The following ADAMTS13 variants were observed in gnomAD, a reference collection of about 807,000 sequenced individuals.
ADAMTS13 encodes ADAM metallopeptidase with thrombospondin type 1 motif 13.
In ADAMTS13, 110 loss-of-function variants were observed where a neutral mutation model predicts 155.1. That is an observed-to-expected ratio of 0.71 (90% confidence interval 0.61 to 0.83). The LOEUF is 0.83. ADAMTS13 is among the 40% of genes least tolerant of loss of function. The pLI, the probability that ADAMTS13 is intolerant of heterozygous loss-of-function variation, is 0.00. For synonymous variants in ADAMTS13, 758 were observed against 756.4 expected, an observed-to-expected ratio of 1.00 and a Z score of -0.03; for missense variants, 1,707 against 1,891.7, an observed-to-expected ratio of 0.90 and a Z score of 1.81.
In ADAMTS13 at chr9:133,445,894, C is replaced by G. The variant is rs1842035395; in HGVS notation, c.2731+75C>G. The G allele has an allele frequency of 4.0e-6, 6 of 1,505,024 alleles. No homozygotes were observed. The highest frequency in any genetic ancestry group is 2.3e-5 in the Admixed American group (1 of 44,258). 93.2% of individuals were successfully genotyped at this position (1,505,024 alleles called of 1,614,324 possible). A position where few individuals can be genotyped will look rare whatever the true frequency, so the allele number is the denominator to read the frequency against. ...CTGTCCACTTGCATCTTGCCTCGTTCTGAAAAGCATTTGAGGTGGATTGCA... is the reference window on the plus strand; with the variant it reads ...CTGTCCACTTGCATCTTGCCTCGTTGTGAAAAGCATTTGAGGTGGATTGCA... On this transcript the variant is annotated intron_variant, in intron 21 of 28. Transcript: ENST00000355699. The surrounding 1 kb of genome is among the most constrained non-coding windows in gnomAD (Gnocchi z 5.0).
chr9:133,423,486 C>T (rs782369862), intron 2 of ADAMTS13, among the ~76,000 whole-genome samples: 13 of 152,140 alleles, frequency 8.5e-5, no homozygotes, highest in Non-Finnish European at 1.5e-4. Flanking sequence ...GGTTTCTGAC[C>T]GTGGATGTAA....
intron 11 of ADAMTS13, 29 bp downstream of exon 11, chr9:133,433,733 G>T (rs782739867): frequency 6.2e-7 from 1 of 1,609,684 alleles, no homozygotes; most frequent in South Asian, 1.1e-5. Context: ...GTAGGAGGGG[G>T]CAGCTGGTGG....
chr9:133,432,620 C>A lies in ADAMTS13; in HGVS notation c.1020C>A (p.Asp340Glu). The stretch of plus-strand genomic sequence containing the variant: ...GCCAGGCCCTCTCCTGCCACACAGA[C>A]CCGCTGGACCAAAGCAGCTGCAGCC... ...DMCQALSCHT[D>E]PLDQSSCSRL... The change falls in exon 9 of 29, where the codon GAC (aspartate) becomes GAA (glutamate). Residue 340 changes from aspartate to glutamate, a missense_variant. Physicochemically the swap from Asp to Glu is conservative, Grantham distance 45. This residue lies in a region of ADAMTS13 where 733 missense variants were observed against 749.6 expected (regional missense o/e 0.98). Transcript: ENST00000355699. 1 of 1,556,838 alleles carries A rather than the reference C, an allele frequency of 6.4e-7. No homozygotes were observed. The highest frequency in any genetic ancestry group is 8.7e-7 in the Non-Finnish European group (1 of 1,149,732).
Position 133,456,499 on chromosome 9 carries a change from C to G in ADAMTS13, c.3548-44C>G, listed in dbSNP as rs781803868. ...ACCCTGGAGCCACTCCTCTGCTGAC[C>G]AGGCGTGGGAGTGCTGGACCCTCAC... On this transcript the variant is annotated intron_variant, in intron 26 of 28. Transcript: ENST00000355699. The surrounding 1 kb of genome is among the most constrained non-coding windows in gnomAD (Gnocchi z 4.4). 2 of 1,603,976 alleles carry G rather than the reference C, an allele frequency of 1.2e-6. No individual in the cohort carries two copies. The highest frequency in any genetic ancestry group is 2.7e-5 in the African/African-American group (2 of 74,794).
At position 133,445,122 on chromosome 9, in the gene ADAMTS13, C is replaced by G; in HGVS notation, c.2610+70C>G. The G allele has an allele frequency of 6.6e-7, 1 of 1,512,088 alleles. No individual in the cohort carries two copies. The highest frequency in any genetic ancestry group is 1.2e-5 in the South Asian group (1 of 85,018). 93.7% of individuals were successfully genotyped at this position (1,512,088 alleles called of 1,614,324 possible). On this transcript the variant is annotated intron_variant, in intron 20 of 28. Transcript: ENST00000355699. The surrounding 1 kb of genome is among the most constrained non-coding windows in gnomAD (Gnocchi z 5.0). ...TACCTGGCTGGGAGAACGAGGAGCA[C>G]CCATTGCCACCGTCCTCCAGGCCAG...
rs145175796 is a variant in ADAMTS13, at chr9:133,425,950, A to G, written c.427A>G (p.Ile143Val). ...TGTGGGTCCGCAGGGTGCTCCAAATATCACAGCCAACCTCACCTCGTCCCT... is the reference window on the plus strand; with the variant it reads ...TGTGGGTCCGCAGGGTGCTCCAAATGTCACAGCCAACCTCACCTCGTCCCT... ...ILTEPEGAPNITANLTSSLLS... is the reference protein window; with the variant it reads ...ILTEPEGAPNVTANLTSSLLS... The change falls in exon 5 of 29, where the codon ATC becomes GTC. Residue 143 changes from isoleucine (I) to valine (V), a missense_variant. Ile to Val is a conservative substitution (Grantham distance 29). Transcript: ENST00000355699. This position sits in a 1 kb window ranked among gnomAD's most constrained non-coding sequence, Gnocchi z 4.6. The G allele has an allele frequency of 5.8e-5, 93 of 1,613,642 alleles. No homozygotes were observed. The African/African-American group carries it at 9.3e-4, about 16-fold the overall frequency.
chr9:133,423,199 G>T (rs1840070292), intron 2 of ADAMTS13, 32 bp downstream of exon 2: 2 of 1,601,410 alleles, frequency 1.2e-6, no homozygotes, highest in Admixed American at 1.7e-5. Flanking sequence ...CTCCCGGGGG[G>T]AGTTTCTCAG....
chr9:133,451,766 C>T (rs1554794399), intron 23 of ADAMTS13, among the ~76,000 whole-genome samples: 1 of 151,856 alleles, frequency 6.6e-6, no homozygotes, highest in African/African-American at 2.4e-5. Flanking sequence ...TGGTGCATGC[C>T]AGTATCCCCA....
rs182358533 is a variant in ADAMTS13 at position 133,422,888 on chromosome 9, C to T, written c.106-213C>T. On this transcript the variant is annotated intron_variant, in intron 1 of 28. Transcript: ENST00000355699. ...CTCACCCACCTCCTGCCTCCTGTCT[C>T]CCTCTTCATCCATCTCTTTTTGTTC... Among the ~76,000 whole-genome samples, 582 of 151,624 alleles carry T rather than the reference C, an allele frequency of 3.8e-3. 2 individuals are homozygous for T. The highest frequency in any genetic ancestry group is 8.0e-3 in the Admixed American group (122 of 15,218).
rs782512984 is a variant in ADAMTS13 at position 133,454,389 on chromosome 9, CTCTCTGGGGTCT to C, written c.3045-20_3045-9del. Reference sequence around the variant, plus strand: ...TACTGTCTCTGGGGAGACCTAGCCTCTCTCTGGGGTCTTCTCTTCCTGCAGGTGGAAAGTCAT... The same window carrying C: ...TACTGTCTCTGGGGAGACCTAGCCTCTCTCTTCCTGCAGGTGGAAAGTCAT... On this transcript the variant is annotated splice_polypyrimidine_tract_variant and intron_variant, in intron 23 of 28. Transcript: ENST00000355699. 6.2e-7 allele frequency: 1 copy of C among 1,613,188 alleles called. No homozygotes were observed. Among genetic ancestry groups the C allele is most frequent in the Non-Finnish European group, 8.5e-7 (1 of 1,179,732 alleles).
Position 133,437,739 on chromosome 9 carries a change from G to A in ADAMTS13, c.1436-10G>A, listed in dbSNP as rs781982967. 2 of 1,613,656 alleles carry A rather than the reference G, an allele frequency of 1.2e-6. No homozygotes were observed. Among genetic ancestry groups the A allele is most frequent in the Non-Finnish European group, 1.7e-6 (2 of 1,180,018 alleles). On this transcript the variant is annotated splice_polypyrimidine_tract_variant and intron_variant, in intron 12 of 28. Transcript: ENST00000355699. ...GGTTCAGGACACCCTTTTTCACTCTGCCCTCCCAGGGGATGCTCTGTGCAG... is the reference window on the plus strand; with the variant it reads ...GGTTCAGGACACCCTTTTTCACTCTACCCTCCCAGGGGATGCTCTGTGCAG...
chr9:133,425,466 G>A lies in ADAMTS13; in HGVS notation c.331-63G>A, dbSNP rs1840217703. On this transcript the variant is annotated intron_variant, in intron 3 of 28. Coordinates refer to ENST00000355699, the MANE Select transcript of ADAMTS13 (RefSeq NM_139027.6). The surrounding 1 kb of genome is among the most constrained non-coding windows in gnomAD (Gnocchi z 4.6). The stretch of plus-strand genomic sequence containing the variant: ...ACACTCCGGGGGCCCCTGGGAGTCA[G>A]CAGCTGCCTGGGGCTGGCAATGCCC... The A allele has an allele frequency of 2.0e-6, 3 of 1,494,424 alleles. No individual in the cohort carries two copies. Among genetic ancestry groups the A allele is most frequent in the African/African-American group, 2.8e-5 (2 of 72,290 alleles). The allele number at this position is 1,494,424 out of a possible 1,614,324, so 92.6% of individuals were successfully genotyped here.
chr9:133,436,633 C>T (rs987964093), intron 11 of ADAMTS13, among the ~76,000 whole-genome samples, 196 bp from the exon 12 acceptor site: 4 of 152,126 alleles, frequency 2.6e-5, no homozygotes, highest in Admixed American at 6.5e-5. Flanking sequence ...ACGGATTCCC[C>T]GGGGTTTTCC....
intron 8 of ADAMTS13, among the ~76,000 whole-genome samples, chr9:133,431,558 C>G (rs1554787480): frequency 6.6e-6 from 1 of 151,970 alleles, no homozygotes; most frequent in Admixed American, 6.6e-5. Context: ...GAATTCTGAC[C>G]TCAGGTGATC....
chr9:133,422,515 C>T lies in ADAMTS13; in HGVS notation c.72C>T (p.Leu24=), dbSNP rs782392800. The change falls in exon 1 of 29, where the codon CTC becomes CTT. Residue 24 remains leucine, a synonymous_variant. Coordinates refer to ENST00000355699, the MANE Select transcript of ADAMTS13 (RefSeq NM_139027.6). ...CCGGAATCCTTGCCTGTGGCTTTCT[C>T]CTGGGCTGCTGGGGACCCTCCCATT... is the stretch of plus-strand genomic sequence containing the variant. ...CVAGILACGF[L]LGCWGPSHFQ... 3.1e-6 allele frequency: 5 copies of T among 1,614,018 alleles called. No homozygotes were observed. Among genetic ancestry groups the T allele is most frequent in the Admixed American group, 1.7e-5 (1 of 60,000 alleles).
chr9:133,423,152 G>C lies in ADAMTS13; in HGVS notation c.157G>C (p.Gly53Arg). The C allele has an allele frequency of 1.2e-6, 2 of 1,613,758 alleles. No homozygotes were observed. The highest frequency in any genetic ancestry group is 1.7e-6 in the Non-Finnish European group (2 of 1,179,940). The change falls in exon 2 of 29, where the codon GGT (glycine) becomes CGT (arginine). Residue 53 changes from glycine (G) to arginine (R), a missense_variant. By Grantham distance (125) the Gly-to-Arg change is moderately radical. This residue lies in a region of ADAMTS13 where 733 missense variants were observed against 749.6 expected (regional missense o/e 0.98). Transcript: ENST00000355699. The part of the protein sequence containing the change: ...PQAVSSYLSP[G>R]APLKGRPPSP... ...GGCCGTGTCTTCTTACTTGAGCCCTGGTGCTCCCTTAAAAGGTACTTGTCC... is the reference window on the plus strand; with the variant it reads ...GGCCGTGTCTTCTTACTTGAGCCCTCGTGCTCCCTTAAAAGGTACTTGTCC...
At chr9:133,439,759 C>T (rs1317685477) in intron 15 of ADAMTS13, among the ~76,000 whole-genome samples, 4 of 152,220 alleles carry the variant, frequency 2.6e-5, no homozygotes, top group East Asian at 1.9e-4. Context: ...CGTGGCCATA[C>T]GCATGGAGTA....
At position 133,456,628 on chromosome 9, in the gene ADAMTS13, C is replaced by G. The variant is rs1842763401; in HGVS notation, c.3633C>G (p.Asn1211Lys). The G allele has an allele frequency of 4.3e-6, 7 of 1,612,052 alleles. No individual in the cohort carries two copies. The highest frequency in any genetic ancestry group is 5.9e-6 in the Non-Finnish European group (7 of 1,179,394). ...LLDMTFSSKTNTLVVRQRCGR... is the reference protein window; with the variant it reads ...LLDMTFSSKTKTLVVRQRCGR... Reference sequence around the variant, plus strand: ...ACATGACTTTCAGCTCCAAGACCAACACGCTGGTGGTGAGGCAGCGCTGCG... The same window carrying G: ...ACATGACTTTCAGCTCCAAGACCAAGACGCTGGTGGTGAGGCAGCGCTGCG... Residue 1211 changes from asparagine (N) to lysine (K), a missense_variant, in exon 27 of 29, where the codon AAC (asparagine) becomes AAG (lysine). By Grantham distance (94) the Asn-to-Lys change is moderately conservative (BLOSUM62 0). Around this residue, in one of 3 missense-constraint regions of ADAMTS13, gnomAD observed 961 missense variants for 1,107.9 expected, o/e 0.87. Coordinates refer to ENST00000355699, the MANE Select transcript of ADAMTS13 (RefSeq NM_139027.6). The surrounding 1 kb of genome is among the most constrained non-coding windows in gnomAD (Gnocchi z 4.4).
At chr9:133,419,077 T>C (rs1839837249), upstream of ADAMTS13, among the ~76,000 whole-genome samples, 1 of 152,130 alleles carries the variant, frequency 6.6e-6, no homozygotes, top group East Asian at 1.9e-4. Context: ...TGACCTCCAG[T>C]GATCCATCCG....
Sources: allele counts gnomAD v4.1 joint callset (sites outside exome capture counted in the v4.1 genomes callset), GRCh38; gene constraint gnomAD v4.1.1; regional missense constraint gnomAD v4.1.1; non-coding constraint Gnocchi (gnomAD v3.1); transcripts MANE v1.5; gene names NCBI Gene and HGNC (gene_info 2026-07-23, HGNC 2026-07-21).